Variants in IFIH1 observed in about 807,000 individuals in gnomAD.
IFIH1 encodes the protein interferon-induced helicase C domain-containing protein 1.
IFIH1 carries 125 observed loss-of-function variants against 107.4 expected under a neutral mutation model. The ratio of observed to expected loss-of-function variants is 1.16; its 90% CI spans 1.01 to 1.35. IFIH1 has a LOEUF of 1.35. Ranked by LOEUF, IFIH1 falls within the 40% of genes most tolerant of loss-of-function variation. The probability of loss-of-function intolerance (pLI) is 0.00; values close to 1 mark genes in which losing one functional copy is unlikely to be tolerated. For synonymous variants in IFIH1, 458 were observed against 413.2 expected (o/e 1.11, Z -1.31); for missense variants, 1,333 against 1,213.7 (o/e 1.10, Z -1.46).
chr2:162,288,902 AC>A (rs1295257137), intron 4 of IFIH1, among the ~76,000 whole-genome samples: 1 of 147,360 alleles, frequency 6.8e-6, no homozygotes, highest in Non-Finnish European at 1.5e-5. Context: ...TTATCTGACA[AC>A]CAAATACCAA....
chr2:162,291,883 G>A (rs750075600), intron 4 of IFIH1, among the ~76,000 whole-genome samples: 4 of 151,766 alleles, frequency 2.6e-5, no homozygotes, highest in Admixed American at 2.0e-4. Context: ...GTAATTCTTT[G>A]CTCCTAAGTA....
chr2:162,280,534 G>C (rs1430369095), intron 7 of IFIH1, among the ~76,000 whole-genome samples: 3 of 148,878 alleles, frequency 2.0e-5, no homozygotes, highest in African/African-American at 7.4e-5. Flanking sequence ...TGACATCCGT[G>C]GATCATACTA....
chr2:162,312,208 G>A (rs1209415023), intron 1 of IFIH1, among the ~76,000 whole-genome samples: 1 of 152,094 alleles, frequency 6.6e-6, no homozygotes, highest in East Asian at 1.9e-4. Flanking sequence ...CACTAATTCA[G>A]TGTTAGAACT....
In IFIH1 at chr2:162,317,879, C is replaced by A; in HGVS notation, c.429G>T (p.Leu143=). 1 of 1,592,732 alleles carries A rather than the reference C, an allele frequency of 6.3e-7. No homozygotes were observed. Among genetic ancestry groups the A allele is most frequent in the Middle Eastern group, 1.7e-4 (1 of 5,906 alleles). ...DVLDKCMEEE[L]LTIEDRNRIA... ...CCCGGTTTCTGTCTTCAATTGTCAA[C>A]AGTTCCTCCTCCATGCACTTATCCA... is the stretch of plus-strand genomic sequence containing the variant. The change falls in exon 1 of 16, where the codon CTG becomes CTT. Residue 143 remains leucine (L), a synonymous_variant. Transcript: ENST00000649979.
chr2:162,307,990 G>A (rs915477282), intron 2 of IFIH1, among the ~76,000 whole-genome samples: 2 of 152,168 alleles, frequency 1.3e-5, no homozygotes, highest in African/African-American at 2.4e-5. Flanking sequence ...GAGGCATAGA[G>A]AAGTCGAGAA....
rs764480780 is a variant in IFIH1, at chr2:162,278,346, ACTTATT to A, written c.1642-24_1642-19del. On this transcript the variant is annotated intron_variant, in intron 8 of 15. Transcript: ENST00000649979. Reference sequence around the variant, plus strand: ...AATGGATCCTAAAAATAAAGTACACACTTATTCTTATGTATTCTTATTGTTAAAGGA... The same window carrying A: ...AATGGATCCTAAAAATAAAGTACACACTTATGTATTCTTATTGTTAAAGGA... 3 of 1,165,298 alleles carry A rather than the reference ACTTATT, an allele frequency of 2.6e-6. No homozygotes were observed. Among genetic ancestry groups the A allele is most frequent in the Non-Finnish European group, 2.5e-6 (2 of 803,202 alleles). 72.2% of individuals were successfully genotyped at this position (1,165,298 alleles called of 1,614,324 possible). A position where few individuals can be genotyped will look rare whatever the true frequency, so the allele number is the denominator to read the frequency against.
At chr2:162,269,611 T>G (rs1218275258) in intron 13 of IFIH1, among the ~76,000 whole-genome samples, 4 of 152,224 alleles carry the variant, frequency 2.6e-5, no homozygotes, top group Non-Finnish European at 5.9e-5. Context: ...ATCTGGTTCT[T>G]GAATAATTTA....
chr2:162,306,070 A>C (rs1412512064), intron 3 of IFIH1, among the ~76,000 whole-genome samples: 3 of 152,256 alleles, frequency 2.0e-5, no homozygotes, highest in Non-Finnish European at 4.4e-5. Context: ...GTGAAAACAG[A>C]ATAAGTCCTT....
rs1322268063 is a variant in IFIH1 at position 162,301,368 on chromosome 2, A to G, written c.769+5341T>C. ...AAATTCCATTGGCTTTATAAATGTA[A>G]AGGCGCCCTCTGCTGGCCAATCTGA... On this transcript the variant is annotated intron_variant, in intron 3 of 15. Transcript: ENST00000649979. Among the ~76,000 whole-genome samples, 3 of 152,162 alleles carry G rather than the reference A, an allele frequency of 2.0e-5. No individual in the cohort carries two copies. In the East Asian group the frequency reaches 5.8e-4, roughly 29 times the overall value.
chr2:162,310,305 T>C (rs1351342547), intron 2 of IFIH1: 1 of 169,842 alleles, frequency 5.9e-6, no homozygotes, highest in Non-Finnish European at 1.2e-5. Context: ...ATTACTATTA[T>C]TGAATGCTGT....
intron 1 of IFIH1, among the ~76,000 whole-genome samples, chr2:162,311,325 A>C (rs1208720762): frequency 1.3e-5 from 2 of 152,106 alleles, no homozygotes; most frequent in Non-Finnish European, 2.9e-5. Context: ...CTTTCTGTAT[A>C]TCTAGGGCTG....
intron 3 of IFIH1, 26 bp from the exon 4 acceptor site, chr2:162,293,694 T>TA: frequency 6.9e-7 from 1 of 1,452,036 alleles, no homozygotes; most frequent in Non-Finnish European, 9.7e-7. Flanking sequence ...TTTTAAAATA[T>TA]TTTTAAAATA....
At chr2:162,286,400 C>A (rs902732995) in intron 5 of IFIH1, among the ~76,000 whole-genome samples, 2 of 151,790 alleles carry the variant, frequency 1.3e-5, no homozygotes, top group African/African-American at 4.8e-5. Flanking sequence ...AGTAGGGGGA[C>A]CTCCTTGATA....
At chr2:162,295,149 A>C (rs182578359) in intron 3 of IFIH1, among the ~76,000 whole-genome samples, 3 of 152,094 alleles carry the variant, frequency 2.0e-5, no homozygotes, top group Non-Finnish European at 4.4e-5. Context: ...CCAGCACCCC[A>C]AAAGTCTCCT....
At position 162,306,662 on chromosome 2, in the gene IFIH1, C is replaced by T. The variant is rs1453989030; in HGVS notation, c.769+47G>A. ...AATAGGTTCTGCCCAGTTGGTTTTT[C>T]TGGAAGTAGTAATTACTGTATTAAA... On this transcript the variant is annotated intron_variant, in intron 3 of 15. Transcript: ENST00000649979. 3 of 1,554,352 alleles carry T rather than the reference C, an allele frequency of 1.9e-6. No individual in the cohort carries two copies. The East Asian group carries it at 6.8e-5, about 35-fold the overall frequency.
At chr2:162,293,354 C>T (rs1683030374) in intron 4 of IFIH1, among the ~76,000 whole-genome samples, 1 of 151,498 alleles carries the variant, frequency 6.6e-6, no homozygotes, top group Non-Finnish European at 1.5e-5. Context: ...AAGATATGTA[C>T]TGGATCAAAA....
chr2:162,313,612 T>C (rs1683420042), intron 1 of IFIH1, among the ~76,000 whole-genome samples: 1 of 152,252 alleles, frequency 6.6e-6, no homozygotes, highest in Non-Finnish European at 1.5e-5. Flanking sequence ...AAATGTTTTC[T>C]TCCCTTTATA....
rs1275686294 is a variant in IFIH1 at position 162,318,201 on chromosome 2, G to T, written c.107C>A (p.Thr36Asn). The change falls in exon 1 of 16, where the codon ACC becomes AAC. Residue 36 changes from threonine to asparagine, a missense_variant. Physicochemically the swap from Thr to Asn is moderately conservative, Grantham distance 65. Coordinates refer to ENST00000649979, the MANE Select transcript of IFIH1 (RefSeq NM_022168.4). ...IQVEPVLDYLTFLPAEVKEQI... is the reference protein window; with the variant it reads ...IQVEPVLDYLNFLPAEVKEQI... Reference sequence around the variant, plus strand: ...CTCCTTCACCTCTGCAGGCAGAAAGGTCAGGTAGTCCAGCACAGGCTCCAC... The same window carrying T: ...CTCCTTCACCTCTGCAGGCAGAAAGTTCAGGTAGTCCAGCACAGGCTCCAC... 1.2e-6 allele frequency: 2 copies of T among 1,614,080 alleles called. No individual in the cohort carries two copies. The highest frequency in any genetic ancestry group is 1.7e-6 in the Non-Finnish European group (2 of 1,180,032).
Position 162,306,763 on chromosome 2 carries a change from C to T in IFIH1, c.715G>A (p.Gly239Ser). 1 of 1,613,834 alleles carries T rather than the reference C, an allele frequency of 6.2e-7. No homozygotes were observed. The highest frequency in any genetic ancestry group is 8.5e-7 in the Non-Finnish European group (1 of 1,179,876). ...GATTCTGATGAGTTATTCTCCATGCCCCAGACCTCCTTCTCCAGATTTGGC... is the reference window on the plus strand; with the variant it reads ...GATTCTGATGAGTTATTCTCCATGCTCCAGACCTCCTTCTCCAGATTTGGC... ...VQPNLEKEVWGMENNSSESSF... is the reference protein window; with the variant it reads ...VQPNLEKEVWSMENNSSESSF... The change falls in exon 3 of 16, where the codon GGC becomes AGC. Residue 239 changes from glycine to serine, a missense_variant. Gly to Ser is a moderately conservative substitution (Grantham distance 56, BLOSUM62 0). Transcript: ENST00000649979.
Sources: allele counts gnomAD v4.1 joint callset (sites outside exome capture counted in the v4.1 genomes callset), GRCh38; gene constraint gnomAD v4.1.1; transcripts MANE v1.5; gene names NCBI Gene and HGNC (gene_info 2026-07-23, HGNC 2026-07-21).